Variants in LRRC72 observed in about 807,000 individuals in gnomAD.
LRRC72 encodes the protein leucine rich repeat containing 72.
Under a neutral mutation model 35.8 loss-of-function variants are expected in LRRC72, and 41 were observed. The ratio of observed to expected loss-of-function variants is 1.15; its 90% CI spans 0.89 to 1.49. The LOEUF (loss-of-function observed/expected upper bound fraction) is 1.49. Ranked by LOEUF, LRRC72 falls within the 40% of genes most tolerant of loss-of-function variation. LRRC72 has a pLI of 0.00. For missense variants in LRRC72, 389 were observed against 330.7 expected (o/e 1.18, Z -1.37); for synonymous variants, 118 against 119.2 (o/e 0.99, Z 0.07).
At chr7:16,553,503 C>T (rs1299431403) in intron 3 of LRRC72, among the ~76,000 whole-genome samples, 1 of 152,184 alleles carries the variant, frequency 6.6e-6, no homozygotes, top group Non-Finnish European at 1.5e-5. Flanking sequence ...GCTTAATGCC[C>T]AGCTCATAAT....
intron 5 of LRRC72, among the ~76,000 whole-genome samples, chr7:16,562,750 T>A (rs538811668): frequency 3.9e-5 from 6 of 152,302 alleles, no homozygotes; most frequent in Non-Finnish European, 7.4e-5. Flanking sequence ...TTTCCTATAA[T>A]GCCCTTCCAG....
chr7:16,528,967 C>T (rs1470364432), intron 1 of LRRC72, among the ~76,000 whole-genome samples: 2 of 152,134 alleles, frequency 1.3e-5, no homozygotes, highest in African/African-American at 2.4e-5. Flanking sequence ...GACTTTCTCA[C>T]ATGAATTTTA....
chr7:16,574,800 A>AATAT (rs764311793), intron 7 of LRRC72, among the ~76,000 whole-genome samples: 1 of 149,828 alleles, frequency 6.7e-6, no homozygotes, highest in South Asian at 2.1e-4. Context: ...AGTATAATAA[A>AATAT]ATATATATAT....
At chr7:16,536,396 G>A (rs535299057) in intron 2 of LRRC72, among the ~76,000 whole-genome samples, 1 of 151,954 alleles carries the variant, frequency 6.6e-6, no homozygotes, top group Non-Finnish European at 1.5e-5. Context: ...AGGATGGTAT[G>A]GTGGTTGCAC....
rs569235784 is a variant in LRRC72, at chr7:16,567,782, G to A, written c.670+239G>A. 4.6e-5 allele frequency among the ~76,000 whole-genome samples: 7 copies of A among 152,050 alleles called. No homozygotes were observed. In the South Asian group the frequency reaches 6.2e-4, roughly 14 times the overall value. On this transcript the variant is annotated intron_variant, in intron 7 of 8. Transcript: ENST00000401542. ...TTAAATGGGGTGCTGTGATAATAAC[G>A]AGATAATACATTGAAGCCTCTATCC... is the stretch of plus-strand genomic sequence containing the variant.
At chr7:16,543,661 G>C (rs1044990334) in intron 3 of LRRC72, among the ~76,000 whole-genome samples, 2 of 152,176 alleles carry the variant, frequency 1.3e-5, no homozygotes, top group Non-Finnish European at 2.9e-5. Flanking sequence ...TCACTGAACA[G>C]GCATCTAACC....
At chr7:16,578,608 T>C (rs575858621) in intron 7 of LRRC72, among the ~76,000 whole-genome samples, 1 of 152,368 alleles carries the variant, frequency 6.6e-6, no homozygotes, top group East Asian at 1.9e-4. Flanking sequence ...TATATACATG[T>C]ATGTGTGTGA....
intron 7 of LRRC72, among the ~76,000 whole-genome samples, chr7:16,571,718 G>C (rs1050810660): frequency 1.3e-5 from 2 of 152,132 alleles, no homozygotes; most frequent in African/African-American, 2.4e-5. Flanking sequence ...ACATTCCCTT[G>C]GGTGCCTACA....
At chr7:16,548,281 G>A (rs913771596) in intron 3 of LRRC72, among the ~76,000 whole-genome samples, 2 of 152,182 alleles carry the variant, frequency 1.3e-5, no homozygotes, top group African/African-American at 2.4e-5. Flanking sequence ...ACAAGAACTC[G>A]AGACCTGCTG....
chr7:16,560,172 C>G (rs1162755436), intron 5 of LRRC72, among the ~76,000 whole-genome samples: 6 of 152,100 alleles, frequency 3.9e-5, no homozygotes, highest in Non-Finnish European at 8.8e-5. Flanking sequence ...TTAGAGACCT[C>G]TTTATAATAA....
intron 8 of LRRC72, among the ~76,000 whole-genome samples, chr7:16,581,078 G>C (rs2128339703): frequency 6.6e-6 from 1 of 152,154 alleles, no homozygotes; most frequent in Non-Finnish European, 1.5e-5. Flanking sequence ...GATCTAAACT[G>C]TAATAGTTGA....
At chr7:16,533,611 T>A (rs929453783) in intron 2 of LRRC72, among the ~76,000 whole-genome samples, 4 of 152,124 alleles carry the variant, frequency 2.6e-5, no homozygotes, top group Non-Finnish European at 5.9e-5. Flanking sequence ...ACAAATTTAA[T>A]CACTTATTTC....
At chr7:16,540,418 G>A (rs1031894730) in intron 3 of LRRC72, among the ~76,000 whole-genome samples, 1 of 152,196 alleles carries the variant, frequency 6.6e-6, no homozygotes, top group African/African-American at 2.4e-5. Flanking sequence ...ATAGGTGGAA[G>A]GGACTAGCCT....
At chr7:16,572,973 A>G (rs1782973656) in intron 7 of LRRC72, among the ~76,000 whole-genome samples, 2 of 152,178 alleles carry the variant, frequency 1.3e-5, no homozygotes, top group Non-Finnish European at 1.5e-5. Context: ...CACAAAACCA[A>G]TGTGCAAAAA....
intron 3 of LRRC72, among the ~76,000 whole-genome samples, chr7:16,538,696 T>C (rs1319552417): frequency 6.6e-6 from 1 of 152,218 alleles, no homozygotes; most frequent in African/African-American, 2.4e-5. Flanking sequence ...ACGGACATGA[T>C]GGGAGATGAC....
chr7:16,573,881 A>G lies in LRRC72; in HGVS notation c.671-6193A>G, dbSNP rs113897082. Among the ~76,000 whole-genome samples the G allele has an allele frequency of 5.2e-3, 798 of 152,356 alleles. 6 individuals are homozygous for G. Among genetic ancestry groups the G allele is most frequent in the African/African-American group, 0.018 (735 of 41,592 alleles). On this transcript the variant is annotated intron_variant, in intron 7 of 8. Coordinates refer to ENST00000401542, the MANE Select transcript of LRRC72 (RefSeq NM_001195280.2). ...GTGAATAGGCAACCTACAGAATAGGAGAAAATTTTTTCAATCCATCCATCT... is the reference window on the plus strand; with the variant it reads ...GTGAATAGGCAACCTACAGAATAGGGGAAAATTTTTTCAATCCATCCATCT...
At chr7:16,538,104 A>G (rs562231312) in intron 3 of LRRC72, among the ~76,000 whole-genome samples, 63 of 152,320 alleles carry the variant, frequency 4.1e-4, no homozygotes, top group African/African-American at 1.5e-3. Flanking sequence ...AAATGAGAAT[A>G]TAATAGCCAA....
chr7:16,560,841 G>C (rs1782733146), intron 5 of LRRC72, among the ~76,000 whole-genome samples: 1 of 152,032 alleles, frequency 6.6e-6, no homozygotes, highest in Admixed American at 6.6e-5. Context: ...TCTGCTAATA[G>C]ACTCAATAAA....
At chr7:16,556,186 T>C (rs1376606190) in intron 3 of LRRC72, among the ~76,000 whole-genome samples, 1 of 152,180 alleles carries the variant, frequency 6.6e-6, no homozygotes, top group Non-Finnish European at 1.5e-5. Context: ...TTGAGGAAAT[T>C]CGAGAAAGTA....
Sources: gnomAD v4.1 joint callset for allele counts (sites outside exome capture counted in the v4.1 genomes callset) on GRCh38, gnomAD v4.1.1 for gene constraint, MANE v1.5 for transcripts, NCBI Gene and HGNC (gene_info 2026-07-23, HGNC 2026-07-21) for gene names.